The following ARHGAP22 variants were observed in gnomAD, a reference collection of about 807,000 sequenced individuals.
ARHGAP22 encodes Rho GTPase activating protein 22.
In ARHGAP22, 48 loss-of-function variants were observed where a neutral mutation model predicts 59.1. The ratio of observed to expected loss-of-function variants is 0.81; its 90% CI spans 0.64 to 1.03. The LOEUF is 1.03. Ranked by LOEUF, ARHGAP22 falls within the 50% of genes least tolerant of loss-of-function variation. The probability of loss-of-function intolerance (pLI) is 0.00; values close to 1 mark genes in which losing one functional copy is unlikely to be tolerated. For synonymous variants in ARHGAP22, 445 were observed against 416.4 expected, an observed-to-expected ratio of 1.07 and a Z score of -0.84; for missense variants, 1,015 against 958.7, an observed-to-expected ratio of 1.06 and a Z score of -0.78.
intron 5 of ARHGAP22, among the ~76,000 whole-genome samples, chr10:48,456,929 C>T (rs779100749): frequency 1.3e-5 from 2 of 152,018 alleles, no homozygotes; most frequent in Non-Finnish European, 2.9e-5. Flanking sequence ...CCAACAAGCA[C>T]CCAAGGAGAA....
At chr10:48,454,978 G>A (rs1209624966) in intron 6 of ARHGAP22, 24 bp downstream of exon 6, 2 of 1,569,038 alleles carry the variant, frequency 1.3e-6, no homozygotes, top group Non-Finnish European at 1.7e-6. Context: ...CATCTCCCAG[G>A]AGCTATCCCC....
intron 1 of ARHGAP22, among the ~76,000 whole-genome samples, chr10:48,632,326 TGAA>T (rs1184372294): frequency 6.6e-6 from 1 of 152,254 alleles, no homozygotes; most frequent in Non-Finnish European, 1.5e-5. Flanking sequence ...CCTTCACTTT[TGAA>T]GAAAAATTCC....
intron 3 of ARHGAP22, among the ~76,000 whole-genome samples, chr10:48,535,136 TTG>T (rs1378989973): frequency 9.8e-5 from 15 of 152,298 alleles, no homozygotes; most frequent in Admixed American, 2.6e-4. Context: ...GATCCTGGGT[TTG>T]TGTTTTCACT....
chr10:48,545,355 T>G (rs992123162), intron 3 of ARHGAP22, among the ~76,000 whole-genome samples: 3 of 152,198 alleles, frequency 2.0e-5, no homozygotes, highest in Non-Finnish European at 2.9e-5. Flanking sequence ...CCACACCTGG[T>G]CCTGTGCTGA....
chr10:48,540,940 G>A (rs2055874670), intron 3 of ARHGAP22, among the ~76,000 whole-genome samples: 1 of 151,906 alleles, frequency 6.6e-6, no homozygotes, highest in Admixed American at 6.5e-5. Context: ...CTAGTCCAGG[G>A]TTGGGTAGGC....
At chr10:48,544,226 G>A (rs775483900) in intron 3 of ARHGAP22, among the ~76,000 whole-genome samples, 16 of 152,218 alleles carry the variant, frequency 1.1e-4, no homozygotes, top group Non-Finnish European at 2.2e-4. Context: ...CAAGTAGGCA[G>A]TTTCCCTTCT....
intron 3 of ARHGAP22, among the ~76,000 whole-genome samples, chr10:48,553,868 AGT>A (rs1419557481): frequency 6.6e-6 from 1 of 152,138 alleles, no homozygotes; most frequent in African/African-American, 2.4e-5. Flanking sequence ...TGATGGCTGG[AGT>A]GTGTTGACCT....
At chr10:48,449,034 G>GA (rs1269769163) in intron 9 of ARHGAP22, among the ~76,000 whole-genome samples, 10 of 152,186 alleles carry the variant, frequency 6.6e-5, no homozygotes, top group African/African-American at 2.4e-4. Flanking sequence ...CATCTCCCTT[G>GA]AGAAACCAGG....
chr10:48,541,249 C>G (rs919472913), intron 3 of ARHGAP22, among the ~76,000 whole-genome samples: 4 of 152,168 alleles, frequency 2.6e-5, no homozygotes, highest in Non-Finnish European at 1.5e-5. Flanking sequence ...TCAACCCCCA[C>G]CTACTAATCC....
At chr10:48,433,145 C>G in the ARHGAP22 span, among the ~76,000 whole-genome samples, 1 of 152,146 alleles carries the variant, frequency 6.6e-6, no homozygotes, top group Admixed American at 6.5e-5. Context: ...CATATTATTA[C>G]CATTCAGATA....
chr10:48,452,059 C>A (rs1347932635), intron 8 of ARHGAP22, among the ~76,000 whole-genome samples: 1 of 152,112 alleles, frequency 6.6e-6, no homozygotes, highest in Non-Finnish European at 1.5e-5. Flanking sequence ...CCCAGAATCC[C>A]ACATACATAT....
intron 1 of ARHGAP22, among the ~76,000 whole-genome samples, chr10:48,588,157 G>T (rs1217788361): frequency 6.6e-6 from 1 of 152,188 alleles, no homozygotes; most frequent in Non-Finnish European, 1.5e-5. Context: ...TTCACGTAAG[G>T]AGGGAGCAGG....
intron 3 of ARHGAP22, among the ~76,000 whole-genome samples, chr10:48,511,280 C>A (rs2052739951): frequency 6.6e-6 from 1 of 152,254 alleles, no homozygotes; most frequent in Admixed American, 6.5e-5. Flanking sequence ...AGATGCCACT[C>A]ATCCAGCCAG....
At chr10:48,444,520 A>G (rs2045279118), downstream of ARHGAP22, 1 of 152,262 alleles carries the variant, frequency 6.6e-6, no homozygotes, top group Non-Finnish European at 1.5e-5. Context: ...TCAGGCATTC[A>G]TGAGCTCCTA....
chr10:48,596,714 C>G (rs561679456), intron 1 of ARHGAP22, among the ~76,000 whole-genome samples: 41 of 152,370 alleles, frequency 2.7e-4, no homozygotes, highest in Non-Finnish European at 4.6e-4. Flanking sequence ...GGACCTCTTC[C>G]AACTTCTGCC....
intron 2 of ARHGAP22, among the ~76,000 whole-genome samples, chr10:48,562,540 A>G (rs1453423710): frequency 6.6e-6 from 1 of 152,236 alleles, no homozygotes; most frequent in Non-Finnish European, 1.5e-5. Flanking sequence ...ACAGACAACA[A>G]GCCAGAGTAC....
chr10:48,561,948 C>T (rs368276953), intron 2 of ARHGAP22, among the ~76,000 whole-genome samples: 2 of 152,192 alleles, frequency 1.3e-5, no homozygotes. Context: ...AACATACTGC[C>T]CGGAGCAGTG....
At chr10:48,531,588 G>C (rs556149798) in intron 3 of ARHGAP22, among the ~76,000 whole-genome samples, 5 of 152,052 alleles carry the variant, frequency 3.3e-5, no homozygotes, top group African/African-American at 1.2e-4. Context: ...ACATGTGCAC[G>C]TTCACTTAGA....
At chr10:48,613,867 A>C (rs2060984927) in intron 1 of ARHGAP22, among the ~76,000 whole-genome samples, 1 of 152,212 alleles carries the variant, frequency 6.6e-6, no homozygotes, top group Admixed American at 6.5e-5. Flanking sequence ...AGAGGTGATC[A>C]GGCCCTAAGG....
Sources: gnomAD v4.1 joint callset for allele counts (sites outside exome capture counted in the v4.1 genomes callset) on GRCh38, gnomAD v4.1.1 for gene constraint, MANE v1.5 for transcripts, NCBI Gene and HGNC (gene_info 2026-07-23, HGNC 2026-07-21) for gene names.